The following NAV2 variants were observed in gnomAD, a reference collection of about 807,000 sequenced individuals.
NAV2 encodes neuron navigator 2, also known as helicase, APC down-regulated 1.
Under a neutral mutation model 223.2 loss-of-function variants are expected in NAV2, and 54 were observed. The observed-to-expected ratio is 0.24, with a 90% CI of 0.19 to 0.30. The LOEUF (loss-of-function observed/expected upper bound fraction) is 0.30, where lower values mean the gene tolerates loss of function less well. Ranked by LOEUF, NAV2 falls within the 10% of genes least tolerant of loss-of-function variation. NAV2 has a pLI of 1.00. For missense variants in NAV2, 2,806 were observed against 3,147.5 expected (o/e 0.89, Z 2.60); for synonymous variants, 1,279 against 1,239.3 (o/e 1.03, Z -0.67).
upstream of NAV2, chr11:19,711,351 T>A (rs2049865197): frequency 6.6e-6 from 1 of 152,234 alleles, no homozygotes; most frequent in African/African-American, 2.4e-5. Context: ...GAGACTAGGA[T>A]GCCAACACGG....
rs371189598 is a variant in NAV2 at position 19,948,993 on chromosome 11, T to C, written c.2558T>C (p.Leu853Pro). Residue 853 changes from leucine to proline, a missense_variant, in exon 10 of 38, where the codon CTG (leucine) becomes CCG (proline). Physicochemically the swap from Leu to Pro is moderately conservative, Grantham distance 98 (BLOSUM62 -3). Transcript: ENST00000349880. ...GACAAGGCAGGAGATGAGATGGACC[T>C]GGAAGGCATCAGCATGGATGCCCCC... ...VSDKAGDEMD[L>P]EGISMDAPGY... The C allele has an allele frequency of 6.2e-6, 10 of 1,613,740 alleles. No homozygotes were observed. The highest frequency in any genetic ancestry group is 8.5e-6 in the Non-Finnish European group (10 of 1,179,818).
intron 1 of NAV2, among the ~76,000 whole-genome samples, chr11:19,407,918 T>C (rs1344941650): frequency 6.6e-6 from 1 of 152,138 alleles, no homozygotes; most frequent in African/African-American, 2.4e-5. Flanking sequence ...TAAAGAAAAT[T>C]GTGTAGCTTA....
intron 1 of NAV2, among the ~76,000 whole-genome samples, chr11:19,668,271 C>T (rs1343954313): frequency 2.0e-5 from 3 of 152,344 alleles, no homozygotes; most frequent in East Asian, 3.9e-4. Context: ...GGCATGGTGG[C>T]TTACGCCTGT....
intron 1 of NAV2, among the ~76,000 whole-genome samples, chr11:19,598,956 C>T (rs1332937842): frequency 6.6e-6 from 1 of 152,158 alleles, no homozygotes; most frequent in Admixed American, 6.5e-5. Context: ...AAAGCTTCCC[C>T]CCATTTGAAA....
At chr11:19,388,506 CT>C (rs1320498293) in intron 1 of NAV2, among the ~76,000 whole-genome samples, 1 of 152,152 alleles carries the variant, frequency 6.6e-6, no homozygotes, top group Non-Finnish European at 1.5e-5. Flanking sequence ...ATCTGAGAAT[CT>C]GTTTTTCTGA....
chr11:19,627,026 T>C (rs1158032981), intron 1 of NAV2, among the ~76,000 whole-genome samples: 1 of 152,180 alleles, frequency 6.6e-6, no homozygotes, highest in Non-Finnish European at 1.5e-5. Flanking sequence ...TAGTTTACCC[T>C]CAGGTGCTAA....
rs769602006 is a variant in NAV2 at position 20,103,698 on chromosome 11, C to T, written c.6618C>T (p.Pro2206=). 1 of 1,614,190 alleles carries T rather than the reference C, an allele frequency of 6.2e-7. No individual in the cohort carries two copies. Among genetic ancestry groups the T allele is most frequent in the Non-Finnish European group, 8.5e-7 (1 of 1,180,008 alleles). Residue 2206 remains proline (P), a synonymous_variant, in exon 34 of 38, where the codon CCC becomes CCT. Coordinates refer to ENST00000349880, the MANE Select transcript of NAV2 (RefSeq NM_145117.5). ...TGAACCAGGCTACCTCTTCGACTCCCAACCTGCAGCTTCACCATAACTTCA... is the reference window on the plus strand; with the variant it reads ...TGAACCAGGCTACCTCTTCGACTCCTAACCTGCAGCTTCACCATAACTTCA... The part of the protein sequence containing the change: ...GTMNQATSST[P]NLQLHHNFRW...
chr11:19,831,248 A>C (rs940008592), intron 1 of NAV2, among the ~76,000 whole-genome samples: 2 of 3,088 alleles, frequency 6.5e-4, no homozygotes, highest in African/African-American at 1.3e-3. Flanking sequence ...CGCGATGGGG[A>C]GTGGGGGGGG....
intron 1 of NAV2, among the ~76,000 whole-genome samples, chr11:19,603,492 T>C (rs2046400530): frequency 6.6e-6 from 1 of 151,782 alleles, no homozygotes; most frequent in African/African-American, 2.4e-5. Context: ...CCTGGCATGG[T>C]GGCATGCGCC....
chr11:19,816,907 T>C (rs946695242), intron 1 of NAV2, among the ~76,000 whole-genome samples: 1 of 152,176 alleles, frequency 6.6e-6, no homozygotes, highest in African/African-American at 2.4e-5. Flanking sequence ...CACCTTTTTT[T>C]TTCCCCTCTG....
chr11:19,859,137 CTTTTT>C (rs569446282), intron 3 of NAV2, among the ~76,000 whole-genome samples: 18,070 of 107,026 alleles, frequency 0.17, 1,287 homozygotes, highest in Middle Eastern at 0.26. Flanking sequence ...ATCATATTCT[CTTTTT>C]TTTTTTTTTT....
chr11:20,042,278 T>A (rs2056995321), intron 12 of NAV2, among the ~76,000 whole-genome samples: 1 of 152,184 alleles, frequency 6.6e-6, no homozygotes, highest in Non-Finnish European at 1.5e-5. Context: ...TGAGATCGGA[T>A]AAGATAATTT....
intron 26 of NAV2, among the ~76,000 whole-genome samples, chr11:20,083,914 C>G (rs1301207386): frequency 1.3e-5 from 2 of 152,228 alleles, no homozygotes; most frequent in Admixed American, 6.5e-5. Flanking sequence ...GTCCACTTAA[C>G]CAGCCAGCCC....
At chr11:19,618,393 G>GATGGATGT (rs796800924) in intron 1 of NAV2, among the ~76,000 whole-genome samples, 5 of 19,714 alleles carry the variant, frequency 2.5e-4, no homozygotes, top group Non-Finnish European at 4.5e-4. Flanking sequence ...TGGATGGATG[G>GATGGATGT]ATGAATAGAT....
intron 1 of NAV2, among the ~76,000 whole-genome samples, chr11:19,797,846 C>G (rs892129658): frequency 6.6e-6 from 1 of 152,114 alleles, no homozygotes; most frequent in African/African-American, 2.4e-5. Flanking sequence ...CCTGAGGACT[C>G]AATGAAGTCA....
At chr11:20,052,632 T>G (rs1156533450) in intron 17 of NAV2, among the ~76,000 whole-genome samples, 1 of 152,234 alleles carries the variant, frequency 6.6e-6, no homozygotes, top group East Asian at 1.9e-4. Context: ...GCTCTGGTTT[T>G]TTAAAAATTC....
At position 19,945,148 on chromosome 11, in the gene NAV2, T is replaced by C. The variant is rs372825514; in HGVS notation, c.2147-1253T>C. ...TTCTTTCTTTCTTTCTTCCTTTCTT[T>C]CTGTCTCCCTTCCCTTCCCTTCCCT... On this transcript the variant is annotated intron_variant, in intron 8 of 37. Transcript: ENST00000349880. Among the ~76,000 whole-genome samples, 195 of 132,886 alleles carry C rather than the reference T, an allele frequency of 1.5e-3. 1 individual carries two copies. Among genetic ancestry groups the C allele is most frequent in the African/African-American group, 4.9e-3 (184 of 37,226 alleles). The allele number at this position is 132,886 out of a possible 152,430, so 87.2% of individuals were successfully genotyped here.
Position 19,730,211 on chromosome 11 carries a change from C to T in NAV2, c.267+16249C>T, listed in dbSNP as rs555024440. ...GAAGCCCAGTTCCCCTCGGCAGGGTCGGGGGTTCAGTGTGGGCAGAGTGCC... is the reference window on the plus strand; with the variant it reads ...GAAGCCCAGTTCCCCTCGGCAGGGTTGGGGGTTCAGTGTGGGCAGAGTGCC... On this transcript the variant is annotated intron_variant, in intron 1 of 37. Transcript: ENST00000349880. Among the ~76,000 whole-genome samples the T allele has an allele frequency of 1.2e-4, 19 of 152,254 alleles. No individual in the cohort carries two copies. The South Asian group carries it at 1.5e-3, about 12-fold the overall frequency.
At chr11:19,436,033 A>G (rs1394504051) in intron 1 of NAV2, among the ~76,000 whole-genome samples, 5 of 152,020 alleles carry the variant, frequency 3.3e-5, no homozygotes, top group Non-Finnish European at 7.4e-5. Flanking sequence ...TCTTCATTCT[A>G]TTAATTGCTT....
Sources: allele counts gnomAD v4.1 joint callset (sites outside exome capture counted in the v4.1 genomes callset), GRCh38; gene constraint gnomAD v4.1.1; transcripts MANE v1.5; gene names NCBI Gene and HGNC (gene_info 2026-07-23, HGNC 2026-07-21).